The following DOCK1 variants were observed in gnomAD, a reference collection of about 807,000 sequenced individuals.
The protein encoded by DOCK1 is dedicator of cytokinesis 1.
DOCK1 carries 138 observed loss-of-function variants against 262.7 expected under a neutral mutation model. The ratio of observed to expected loss-of-function variants is 0.53; its 90% CI spans 0.46 to 0.61. The LOEUF (loss-of-function observed/expected upper bound fraction) is 0.61. Ranked by LOEUF, DOCK1 falls within the 20% of genes least tolerant of loss-of-function variation. The probability of loss-of-function intolerance (pLI) is 0.00; values close to 1 mark genes in which losing one functional copy is unlikely to be tolerated. For missense variants in DOCK1, 1,908 were observed against 2,370.7 expected (o/e 0.80, Z 4.05); for synonymous variants, 866 against 867.4 (o/e 1.00, Z 0.03).
chr10:127,408,414 C>T (rs1052356454), intron 40 of DOCK1, among the ~76,000 whole-genome samples: 1 of 152,204 alleles, frequency 6.6e-6, no homozygotes, highest in African/African-American at 2.4e-5. Flanking sequence ...GCTCTCCGTC[C>T]ATCGCCAGTC....
chr10:127,193,715 C>T (rs748825552), intron 27 of DOCK1, among the ~76,000 whole-genome samples: 1 of 152,176 alleles, frequency 6.6e-6, no homozygotes, highest in Admixed American at 6.5e-5. Flanking sequence ...ATGCCTTTCA[C>T]GTACAAGTCT....
At chr10:127,338,860 T>C in intron 29 of DOCK1, 146 bp from the exon 30 acceptor site, 1 of 611,812 alleles carries the variant, frequency 1.6e-6, no homozygotes, top group Non-Finnish European at 2.7e-6. Context: ...CCGTGATCTT[T>C]TCGTTGGCAA....
At chr10:127,225,946 C>T (rs1309150493) in intron 27 of DOCK1, among the ~76,000 whole-genome samples, 3 of 151,836 alleles carry the variant, frequency 2.0e-5, no homozygotes, top group African/African-American at 4.8e-5. Context: ...GGCATGGTGG[C>T]GGGTGCCTGT....
intron 27 of DOCK1, among the ~76,000 whole-genome samples, chr10:127,214,396 G>A (rs925661238): frequency 6.6e-6 from 1 of 152,106 alleles, no homozygotes; most frequent in African/African-American, 2.4e-5. Context: ...ATGTTCTTAA[G>A]CCTTGCTTCC....
At chr10:127,092,860 C>G (rs1201983248) in intron 23 of DOCK1, among the ~76,000 whole-genome samples, 1 of 152,152 alleles carries the variant, frequency 6.6e-6, no homozygotes, top group Non-Finnish European at 1.5e-5. Flanking sequence ...TAGTCTTTCC[C>G]CAGGTCATGG....
chr10:127,108,106 G>A (rs2048646516), intron 24 of DOCK1, among the ~76,000 whole-genome samples: 1 of 152,204 alleles, frequency 6.6e-6, no homozygotes, highest in African/African-American at 2.4e-5. Flanking sequence ...CTCAATGCCT[G>A]TTACACTGAT....
chr10:127,053,407 G>C (rs867875550), intron 22 of DOCK1, among the ~76,000 whole-genome samples: 1 of 152,172 alleles, frequency 6.6e-6, no homozygotes, highest in African/African-American at 2.4e-5. Context: ...CCTCACTTGG[G>C]CAGACTCTGG....
chr10:127,137,505 C>T (rs960174238), intron 27 of DOCK1: 85 of 230,898 alleles, frequency 3.7e-4, no homozygotes, highest in African/African-American at 1.8e-3. Flanking sequence ...TACAGGGTGA[C>T]AGCCTGCCAT....
intron 29 of DOCK1, among the ~76,000 whole-genome samples, chr10:127,287,524 G>T (rs1304418293): frequency 1.3e-5 from 2 of 152,044 alleles, no homozygotes; most frequent in Non-Finnish European, 2.9e-5. Context: ...ATATTGCAAT[G>T]TTTGTTCAAG....
At chr10:127,439,250 C>T (rs766758324) in intron 49 of DOCK1, 25 bp downstream of exon 49, 15 of 1,590,770 alleles carry the variant, frequency 9.4e-6, no homozygotes, top group Admixed American at 1.8e-5. Context: ...TATCTTTCCT[C>T]GCTCTGCGGT....
At chr10:127,017,706 G>T (rs969972256) in intron 12 of DOCK1, among the ~76,000 whole-genome samples, 1 of 152,214 alleles carries the variant, frequency 6.6e-6, no homozygotes, top group South Asian at 2.1e-4. Flanking sequence ...CAAGCTGAGT[G>T]GGGGGAAGCA....
In DOCK1 at chr10:127,362,254, G is replaced by A. The variant is rs774770566; in HGVS notation, c.3432+42G>A. On this transcript the variant is annotated intron_variant, in intron 33 of 51. Transcript: ENST00000623213. ...GCAGCGAGTGGCCGGGGGACATGAG[G>A]GAGGCAAACCTGAAAACCTTCAAAG... 8 of 1,591,734 alleles carry A rather than the reference G, an allele frequency of 5.0e-6. No individual in the cohort carries two copies. In the East Asian group the frequency reaches 1.3e-4, roughly 27 times the overall value.
At chr10:127,341,581 G>T (rs750494879) in intron 30 of DOCK1, among the ~76,000 whole-genome samples, 29 of 152,072 alleles carry the variant, frequency 1.9e-4, no homozygotes, top group Non-Finnish European at 3.1e-4. Context: ...CATTTTTCTG[G>T]TTTTTTTCTA....
chr10:127,056,350 A>G (rs1183181013), intron 22 of DOCK1, among the ~76,000 whole-genome samples: 12 of 152,068 alleles, frequency 7.9e-5, no homozygotes, highest in Admixed American at 7.9e-4. Flanking sequence ...GACTACAGGC[A>G]GGTGCCAGCA....
Position 126,990,382 on chromosome 10 carries a change from A to C in DOCK1, c.325-73A>C. On this transcript the variant is annotated intron_variant, in intron 5 of 51. Transcript: ENST00000623213. The stretch of plus-strand genomic sequence containing the variant: ...TTATACCTCATGCGTATTTGAAGAG[A>C]TAGCCATTCTCTACCATCTCCACAA... 5 of 1,463,706 alleles carry C rather than the reference A, an allele frequency of 3.4e-6. No homozygotes were observed. In the South Asian group the frequency reaches 4.1e-5, roughly 12 times the overall value. 90.7% of individuals were successfully genotyped at this position (1,463,706 alleles called of 1,614,324 possible).
At chr10:127,359,548 T>G (rs1268458114) in intron 32 of DOCK1, among the ~76,000 whole-genome samples, 1 of 151,970 alleles carries the variant, frequency 6.6e-6, no homozygotes, top group Non-Finnish European at 1.5e-5. Flanking sequence ...ACCTGAGAGA[T>G]GGAATATAAT....
In DOCK1 at chr10:127,176,023, C is replaced by T. The variant is rs757321590; in HGVS notation, c.2847+48259C>T. 2 of 1,614,138 alleles carry T rather than the reference C, an allele frequency of 1.2e-6. No homozygotes were observed. The highest frequency in any genetic ancestry group is 3.3e-5 in the Admixed American group (2 of 60,022). ...GCAGCTGGGAGGCTTTTGAGGTTCCCCTTTTTGCGGTCCAGAGGGAACGTC... is the reference window on the plus strand; with the variant it reads ...GCAGCTGGGAGGCTTTTGAGGTTCCTCTTTTTGCGGTCCAGAGGGAACGTC... On this transcript the variant is annotated intron_variant, in intron 27 of 51. Transcript: ENST00000623213. This position sits in a 1 kb window ranked among gnomAD's most constrained non-coding sequence, Gnocchi z 4.4.
chr10:127,025,394 C>G (rs1397415414), intron 15 of DOCK1: 1 of 152,110 alleles, frequency 6.6e-6, no homozygotes, highest in Non-Finnish European at 1.5e-5. Context: ...GGCAGGTCAC[C>G]ACAGCTGTGG....
At chr10:127,332,595 G>A (rs762475279) in intron 29 of DOCK1, among the ~76,000 whole-genome samples, 7 of 152,044 alleles carry the variant, frequency 4.6e-5, no homozygotes, top group South Asian at 2.1e-4. Context: ...ACCTCATTCC[G>A]AAAACTTTCT....
Sources: allele counts gnomAD v4.1 joint callset (sites outside exome capture counted in the v4.1 genomes callset), GRCh38; gene constraint gnomAD v4.1.1; non-coding constraint Gnocchi (gnomAD v3.1); transcripts MANE v1.5; gene names NCBI Gene and HGNC (gene_info 2026-07-23, HGNC 2026-07-21).